Variants in GDI2 observed in about 807,000 individuals in gnomAD.
GDI2 encodes GDP dissociation inhibitor 2.
Under a neutral mutation model 54.2 loss-of-function variants are expected in GDI2, and 22 were observed. That is an observed-to-expected ratio of 0.41 (90% CI 0.29 to 0.58). The LOEUF is 0.58. Ranked by LOEUF, GDI2 falls within the 20% of genes least tolerant of loss-of-function variation. The pLI, the probability that GDI2 is intolerant of heterozygous loss-of-function variation, is 0.35. For synonymous variants in GDI2, 177 were observed against 182.1 expected (o/e 0.97, Z 0.23); for missense variants, 422 against 546.0 (o/e 0.77, Z 2.26).
chr10:5,786,098 G>A (rs751039713), intron 4 of GDI2, 48 bp from the exon 5 acceptor site: 4 of 1,253,938 alleles, frequency 3.2e-6, no homozygotes, highest in Non-Finnish European at 4.6e-6. Flanking sequence ...ATCAGACATT[G>A]AGGAGAACGA....
intron 1 of GDI2, among the ~76,000 whole-genome samples, chr10:5,804,369 C>T (rs1841332031): frequency 6.6e-6 from 1 of 152,162 alleles, no homozygotes; most frequent in South Asian, 2.1e-4. Context: ...GCTGGGATTA[C>T]AGGCATGAAC....
At chr10:5,777,095 C>G (rs1840639968) in intron 6 of GDI2, among the ~76,000 whole-genome samples, 1 of 152,170 alleles carries the variant, frequency 6.6e-6, no homozygotes, top group Non-Finnish European at 1.5e-5. Context: ...CATGGAGGTT[C>G]AGTTTCTCCA....
At chr10:5,812,663 C>T (rs556161234) in intron 1 of GDI2, among the ~76,000 whole-genome samples, 2 of 152,346 alleles carry the variant, frequency 1.3e-5, no homozygotes, top group African/African-American at 4.8e-5. Context: ...AGACTAATTT[C>T]CACGTTTTCG....
At chr10:5,785,567 G>A (rs1057275395) in intron 5 of GDI2, among the ~76,000 whole-genome samples, 1 of 152,006 alleles carries the variant, frequency 6.6e-6, no homozygotes, top group Non-Finnish European at 1.5e-5. Context: ...GTAGAGAGGG[G>A]GTTTCACCAT....
At chr10:5,792,992 T>C (rs1329172139) in intron 4 of GDI2, among the ~76,000 whole-genome samples, 2 of 151,832 alleles carry the variant, frequency 1.3e-5, no homozygotes, top group African/African-American at 4.8e-5. Flanking sequence ...CTATTTCTTA[T>C]TTTTATCTAA....
intron 1 of GDI2, among the ~76,000 whole-genome samples, chr10:5,812,901 GCGGCCTTCTCCC>G (rs1841507224): frequency 6.6e-6 from 1 of 152,194 alleles, no homozygotes. Context: ...CTTGGCCCGG[GCGGCCTTCTCCC>G]CTCCCCTCCG....
rs1420425323 is a variant in GDI2 at position 5,800,673 on chromosome 10, A to G, written c.78T>C (p.Asn26=). ...ECILSGIMSV[N]GKKVLHMDRN... ...GATCCATATGAAGAACTTTCTTGCC[A>G]TTCACTGACATTATACCTGACAGGA... Residue 26 remains asparagine, a synonymous_variant, in exon 2 of 11, where the codon AAT becomes AAC. Coordinates refer to ENST00000380191, the MANE Select transcript of GDI2 (RefSeq NM_001494.4). 1 of 1,589,326 alleles carries G rather than the reference A, an allele frequency of 6.3e-7. No individual in the cohort carries two copies. Among genetic ancestry groups the G allele is most frequent in the African/African-American group, 1.3e-5 (1 of 74,468 alleles).
At chr10:5,772,665 G>A (rs1390488032) in intron 7 of GDI2, among the ~76,000 whole-genome samples, 2 of 152,178 alleles carry the variant, frequency 1.3e-5, no homozygotes, top group African/African-American at 4.8e-5. Context: ...GCTGAGGTAG[G>A]AGAATCACTT....
Position 5,765,738 on chromosome 10 carries a change from C to G in GDI2, c.*268G>C. Reference sequence around the variant, plus strand: ...AAAAACTGTCTCAAGTTGTCTGTGTCGGTATCCCAATGTTTGTTTAACTTC... The same window carrying G: ...AAAAACTGTCTCAAGTTGTCTGTGTGGGTATCCCAATGTTTGTTTAACTTC... On this transcript the variant is annotated 3_prime_UTR_variant, in exon 11 of 11. Coordinates refer to ENST00000380191, the MANE Select transcript of GDI2 (RefSeq NM_001494.4). The G allele has an allele frequency of 2.7e-6, 1 of 368,904 alleles. No homozygotes were observed. Among genetic ancestry groups the G allele is most frequent in the Non-Finnish European group, 4.8e-6 (1 of 210,032 alleles). 22.9% of individuals were successfully genotyped at this position (368,904 alleles called of 1,614,324 possible).
At chr10:5,796,542 T>A (rs1415792433) in intron 3 of GDI2, among the ~76,000 whole-genome samples, 1 of 152,184 alleles carries the variant, frequency 6.6e-6, no homozygotes, top group East Asian at 1.9e-4. Context: ...TGCCACAGCA[T>A]CATTTGTTTC....
intron 1 of GDI2, among the ~76,000 whole-genome samples, chr10:5,803,059 T>C (rs180869197): frequency 6.6e-6 from 1 of 152,238 alleles, no homozygotes; most frequent in Non-Finnish European, 1.5e-5. Context: ...GCCTAGACAA[T>C]ATATCGCAAC....
At chr10:5,786,578 T>C (rs1840886409) in intron 4 of GDI2, among the ~76,000 whole-genome samples, 2 of 147,282 alleles carry the variant, frequency 1.4e-5, no homozygotes, top group South Asian at 4.4e-4. Context: ...AATTCTACCA[T>C]ACAATTACAA....
At chr10:5,777,989 C>T (rs1840664225) in intron 6 of GDI2, among the ~76,000 whole-genome samples, 1 of 152,148 alleles carries the variant, frequency 6.6e-6, no homozygotes, top group Non-Finnish European at 1.5e-5. Context: ...TTTGCAGGGA[C>T]ATGGATGAAG....
At position 5,782,369 on chromosome 10, in the gene GDI2, G is replaced by A. The variant is rs1010696994; in HGVS notation, c.719+2773C>T. On this transcript the variant is annotated intron_variant, in intron 6 of 10. Transcript: ENST00000380191. ...AACGAGAACTCTCATACACTGCTGA[G>A]TGTATACACAATGACACAACCACTC... 3.3e-5 allele frequency among the ~76,000 whole-genome samples: 5 copies of A among 152,342 alleles called. No individual in the cohort carries two copies. The South Asian group carries it at 8.3e-4, about 25-fold the overall frequency.
intron 7 of GDI2, among the ~76,000 whole-genome samples, chr10:5,769,816 G>A (rs1454326091): frequency 6.6e-6 from 1 of 152,200 alleles, no homozygotes; most frequent in Non-Finnish European, 1.5e-5. Flanking sequence ...ATGGAAAATG[G>A]TATGGCAGTT....
intron 4 of GDI2, among the ~76,000 whole-genome samples, chr10:5,793,425 G>A (rs1247914748): frequency 1.3e-5 from 2 of 152,044 alleles, no homozygotes; most frequent in African/African-American, 2.4e-5. Context: ...CTAACTACCC[G>A]CAACTGAATG....
intron 1 of GDI2, among the ~76,000 whole-genome samples, chr10:5,805,635 C>G (rs2131720767): frequency 1.3e-5 from 2 of 152,320 alleles, no homozygotes; most frequent in South Asian, 4.1e-4. Flanking sequence ...ATCCTCCTGC[C>G]TTGTCCTCCC....
At position 5,785,985 on chromosome 10, in the gene GDI2, C is replaced by G. The variant is rs756268782; in HGVS notation, c.454G>C (p.Glu152Gln). 3 of 1,613,278 alleles carry G rather than the reference C, an allele frequency of 1.9e-6. No homozygotes were observed. The highest frequency in any genetic ancestry group is 2.5e-6 in the Non-Finnish European group (3 of 1,179,446). The part of the protein sequence containing the change: ...KFLVYVANFD[E>Q]KDPRTFEGID... ...CCTTCAAAAGTTCTTGGATCTTTTT[C>G]ATCGAAGTTGGCAACATACACTAGG... Residue 152 changes from glutamate to glutamine, a missense_variant, in exon 5 of 11, where the codon GAA (glutamate) becomes CAA (glutamine). Coordinates refer to ENST00000380191, the MANE Select transcript of GDI2 (RefSeq NM_001494.4).
chr10:5,769,439 C>A (rs1208229103), intron 7 of GDI2: 1 of 151,994 alleles, frequency 6.6e-6, no homozygotes, highest in East Asian at 1.9e-4. Context: ...GGCACGGTGG[C>A]GCATGCCTGT....
Sources: gnomAD v4.1 joint callset for allele counts (sites outside exome capture counted in the v4.1 genomes callset) on GRCh38, gnomAD v4.1.1 for gene constraint, MANE v1.5 for transcripts, NCBI Gene and HGNC (gene_info 2026-07-23, HGNC 2026-07-21) for gene names.